The following SH3RF3 variants were observed in gnomAD, a reference collection of about 807,000 sequenced individuals.
SH3RF3 encodes the protein E3 ubiquitin-protein ligase SH3RF3.
A neutral mutation model predicts 66.3 loss-of-function variants in SH3RF3; 29 were observed. The observed-to-expected ratio is 0.44, with a 90% CI of 0.33 to 0.60. The LOEUF (loss-of-function observed/expected upper bound fraction) is 0.60. Ranked by LOEUF, SH3RF3 falls within the 20% of genes least tolerant of loss-of-function variation. The pLI is 0.04. For synonymous variants in SH3RF3, 583 were observed against 532.0 expected (o/e 1.10, Z -1.32); for missense variants, 1,194 against 1,190.9 (o/e 1.00, Z -0.04).
chr2:109,482,106 G>A (rs991670053), intron 8 of SH3RF3, among the ~76,000 whole-genome samples: 11 of 152,090 alleles, frequency 7.2e-5, no homozygotes, highest in African/African-American at 2.4e-4. Context: ...AGCAAGTCCC[G>A]GGTTCGAATG....
At chr2:109,203,198 G>A (rs577310572) in intron 1 of SH3RF3, among the ~76,000 whole-genome samples, 34 of 152,304 alleles carry the variant, frequency 2.2e-4, no homozygotes, top group African/African-American at 8.2e-4. Flanking sequence ...TTGCCCGCAA[G>A]AAGGACCCTG....
Position 109,275,354 on chromosome 2 carries a change from A to G in SH3RF3, c.574-72320A>G, listed in dbSNP as rs550276535. Among the ~76,000 whole-genome samples, 39 of 152,188 alleles carry G rather than the reference A, an allele frequency of 2.6e-4. 1 individual carries two copies. Among genetic ancestry groups the G allele is most frequent in the Admixed American group, 3.9e-4 (6 of 15,282 alleles). On this transcript the variant is annotated intron_variant, in intron 1 of 9. Coordinates refer to ENST00000309415, the MANE Select transcript of SH3RF3 (RefSeq NM_001099289.3). ...TCAGTTTATATTTGTGATAACGTTGATAAGTTGCTCAGAGCCCTGCCTGTT... is the reference window on the plus strand; with the variant it reads ...TCAGTTTATATTTGTGATAACGTTGGTAAGTTGCTCAGAGCCCTGCCTGTT...
At chr2:109,165,099 C>G (rs1180693948) in intron 1 of SH3RF3, among the ~76,000 whole-genome samples, 1 of 152,218 alleles carries the variant, frequency 6.6e-6, no homozygotes, top group Non-Finnish European at 1.5e-5. Context: ...ACTCCCAGGG[C>G]TAGTTGTTCC....
intron 1 of SH3RF3, among the ~76,000 whole-genome samples, chr2:109,177,410 C>T (rs981195889): frequency 2.6e-5 from 4 of 152,184 alleles, no homozygotes; most frequent in African/African-American, 9.7e-5. Context: ...ATGAAATAGT[C>T]TGGGGCAGAG....
At chr2:109,253,071 A>G (rs1477733843) in intron 1 of SH3RF3, among the ~76,000 whole-genome samples, 1 of 151,892 alleles carries the variant, frequency 6.6e-6, no homozygotes, top group Non-Finnish European at 1.5e-5. Flanking sequence ...TCTGTTGCCC[A>G]GGCTGGAGTG....
At chr2:109,319,186 G>T (rs1399259634) in intron 1 of SH3RF3, among the ~76,000 whole-genome samples, 1 of 152,186 alleles carries the variant, frequency 6.6e-6, no homozygotes, top group Admixed American at 6.5e-5. Flanking sequence ...CTTGGCTGTC[G>T]CCCTGTATAT....
chr2:109,387,133 T>C (rs1028567368), intron 3 of SH3RF3, among the ~76,000 whole-genome samples: 1 of 152,244 alleles, frequency 6.6e-6, no homozygotes, highest in Non-Finnish European at 1.5e-5. Context: ...CTGTTTCTTT[T>C]ATTCTTTTCT....
intron 8 of SH3RF3, among the ~76,000 whole-genome samples, chr2:109,467,706 A>G (rs533142811): frequency 3.1e-4 from 47 of 152,346 alleles, no homozygotes; most frequent in African/African-American, 1.0e-3. Flanking sequence ...CATGATTTCC[A>G]TATCTATTTG....
At chr2:109,347,553 C>G in intron 1 of SH3RF3, 121 bp from the exon 2 acceptor site, 1 of 1,348,596 alleles carries the variant, frequency 7.4e-7, no homozygotes, top group Admixed American at 2.7e-5. Context: ...TTGCGGGGCA[C>G]TCTGTATGCA....
chr2:109,220,162 TC>T (rs1679198298), intron 1 of SH3RF3, among the ~76,000 whole-genome samples: 1 of 152,212 alleles, frequency 6.6e-6, no homozygotes, highest in East Asian at 1.9e-4. Flanking sequence ...GAAGCCAAGA[TC>T]AGTCAATGAG....
At chr2:109,498,507 C>T (rs113857717) in intron 9 of SH3RF3, among the ~76,000 whole-genome samples, 2,858 of 152,334 alleles carry the variant, frequency 0.019, 99 homozygotes, top group African/African-American at 0.065. Context: ...ATGGCTTCTG[C>T]GCCCCAGGCT....
At chr2:109,159,006 A>G (rs1677419181) in intron 1 of SH3RF3, among the ~76,000 whole-genome samples, 1 of 152,220 alleles carries the variant, frequency 6.6e-6, no homozygotes, top group African/African-American at 2.4e-5. Context: ...AATCCCAGCT[A>G]CTTGGGAGGC....
At chr2:109,421,604 G>C (rs1212590826) in intron 5 of SH3RF3, among the ~76,000 whole-genome samples, 1 of 152,202 alleles carries the variant, frequency 6.6e-6, no homozygotes, top group African/African-American at 2.4e-5. Flanking sequence ...CGCCTGCCCT[G>C]GGGGACAGGG....
chr2:109,470,903 A>G (rs1048704687), intron 8 of SH3RF3, among the ~76,000 whole-genome samples: 2 of 152,170 alleles, frequency 1.3e-5, no homozygotes, highest in African/African-American at 2.4e-5. Context: ...GTATTAGTCA[A>G]TTTTCACACT....
intron 8 of SH3RF3, among the ~76,000 whole-genome samples, chr2:109,471,206 CAAAAAA>C (rs61224177): frequency 0.043 from 1,714 of 40,108 alleles, 32 homozygotes; most frequent in African/African-American, 0.094. Context: ...GACTCTGTCT[CAAAAAA>C]AAAAAAAAAA....
chr2:109,254,424 G>T (rs900427028), intron 1 of SH3RF3, among the ~76,000 whole-genome samples: 2 of 152,124 alleles, frequency 1.3e-5, no homozygotes, highest in East Asian at 3.9e-4. Flanking sequence ...TGTTGGGGAG[G>T]TTAAATGGAT....
At chr2:109,347,019 G>A (rs150474074) in intron 1 of SH3RF3, among the ~76,000 whole-genome samples, 1 of 152,250 alleles carries the variant, frequency 6.6e-6, no homozygotes, top group South Asian at 2.1e-4. Flanking sequence ...CATCATCCTC[G>A]TGTGTGTACC....
chr2:109,244,210 G>A (rs895637096), intron 1 of SH3RF3, among the ~76,000 whole-genome samples: 9 of 152,230 alleles, frequency 5.9e-5, no homozygotes, highest in Non-Finnish European at 7.4e-5. Flanking sequence ...ATTCTAATCC[G>A]AGCTGGAGAT....
At chr2:109,223,397 T>G (rs1450937915) in intron 1 of SH3RF3, among the ~76,000 whole-genome samples, 2 of 152,324 alleles carry the variant, frequency 1.3e-5, no homozygotes, top group Admixed American at 1.3e-4. Flanking sequence ...AGCTGCCGTG[T>G]GCTCGCTGTG....
Sources: gnomAD v4.1 joint callset for allele counts (sites outside exome capture counted in the v4.1 genomes callset) on GRCh38, gnomAD v4.1.1 for gene constraint, MANE v1.5 for transcripts, NCBI Gene and HGNC (gene_info 2026-07-23, HGNC 2026-07-21) for gene names.